RAI14: variants seen among roughly 807,000 people sequenced by gnomAD.
The protein encoded by RAI14 is retinoic acid induced 14.
A neutral mutation model predicts 115.4 loss-of-function variants in RAI14; 45 were observed. The ratio of observed to expected loss-of-function variants is 0.39; its 90% CI spans 0.31 to 0.50. The LOEUF is 0.50. RAI14 is among the 20% of genes least tolerant of loss of function. The probability of loss-of-function intolerance (pLI) is 0.85; values close to 1 mark genes in which losing one functional copy is unlikely to be tolerated. For synonymous variants in RAI14, 371 were observed against 415.4 expected, an observed-to-expected ratio of 0.89 and a Z score of 1.30; for missense variants, 939 against 1,131.2, an observed-to-expected ratio of 0.83 and a Z score of 2.44.
At chr5:34,829,178 T>TAC (rs144038064) in intron 16 of RAI14, among the ~76,000 whole-genome samples, 90,803 of 150,342 alleles carry the variant, frequency 0.6, 27,633 homozygotes, top group Admixed American at 0.66. Flanking sequence ...CACACACACA[T>TAC]ACACACACAC....
At chr5:34,720,689 C>T (rs966604465) in intron 2 of RAI14, among the ~76,000 whole-genome samples, 4 of 151,912 alleles carry the variant, frequency 2.6e-5, no homozygotes, top group African/African-American at 9.7e-5. Flanking sequence ...GGATTACAGG[C>T]GTGAGCCACC....
intron 3 of RAI14, among the ~76,000 whole-genome samples, chr5:34,787,926 TTTTTTTTG>T: frequency 9.0e-6 from 1 of 111,706 alleles, no homozygotes; most frequent in African/African-American, 3.8e-5. Flanking sequence ...TTTTTTTTTT[TTTTTTTTG>T]AGACAGGGTC....
At chr5:34,819,168 T>C (rs1756577973) in intron 13 of RAI14, among the ~76,000 whole-genome samples, 1 of 152,238 alleles carries the variant, frequency 6.6e-6, no homozygotes, top group African/African-American at 2.4e-5. Context: ...ACCAGTGATT[T>C]TGTCACCAAG....
chr5:34,790,144 A>G (rs1481731795), intron 3 of RAI14, among the ~76,000 whole-genome samples: 2 of 152,202 alleles, frequency 1.3e-5, no homozygotes, highest in African/African-American at 2.4e-5. Flanking sequence ...TCTTCTGTAC[A>G]TTGGTGATTA....
At chr5:34,667,634 C>G (rs1028086455) in intron 1 of RAI14, among the ~76,000 whole-genome samples, 6 of 152,078 alleles carry the variant, frequency 3.9e-5, no homozygotes, top group Non-Finnish European at 5.9e-5. Flanking sequence ...ATTTACCATC[C>G]AGAATTTCCT....
At chr5:34,688,880 A>T (rs936694814) in intron 2 of RAI14, among the ~76,000 whole-genome samples, 1 of 151,852 alleles carries the variant, frequency 6.6e-6, no homozygotes, top group Non-Finnish European at 1.5e-5. Context: ...CCAGAGGTAT[A>T]CTAAGCTTTT....
chr5:34,730,319 CAAAT>C (rs1744015586), intron 2 of RAI14, among the ~76,000 whole-genome samples: 1 of 152,092 alleles, frequency 6.6e-6, no homozygotes, highest in South Asian at 2.1e-4. Context: ...TACATGTTAA[CAAAT>C]GAATGTTGAG....
intron 2 of RAI14, among the ~76,000 whole-genome samples, chr5:34,731,828 A>G (rs1744222614): frequency 6.6e-6 from 1 of 152,242 alleles, no homozygotes; most frequent in Non-Finnish European, 1.5e-5. Flanking sequence ...TGAAGTTTAC[A>G]CTTATTCAAA....
At chr5:34,767,281 G>C (rs747987098) in intron 3 of RAI14, among the ~76,000 whole-genome samples, 4 of 152,144 alleles carry the variant, frequency 2.6e-5, no homozygotes, top group Non-Finnish European at 4.4e-5. Context: ...TCCTCTCTCT[G>C]TTCCCTCCAC....
At chr5:34,722,381 G>T (rs924872553) in intron 2 of RAI14, among the ~76,000 whole-genome samples, 1 of 151,658 alleles carries the variant, frequency 6.6e-6, no homozygotes, top group Non-Finnish European at 1.5e-5. Flanking sequence ...GCAAGCCAAG[G>T]CAAGAGGTCC....
intron 2 of RAI14, among the ~76,000 whole-genome samples, chr5:34,752,755 A>ATG (rs1747274667): frequency 2.3e-5 from 3 of 131,044 alleles, no homozygotes; most frequent in African/African-American, 8.6e-5. Flanking sequence ...GTGTGTATAT[A>ATG]TATATATATA....
chr5:34,831,344 C>T lies in RAI14; in HGVS notation c.*579C>T, dbSNP rs536216678. Reference sequence around the variant, plus strand: ...CTGCCTTATATATCTCATCACCCTGCTTATCAATATTCAGTTTGATGAGCA... The same window carrying T: ...CTGCCTTATATATCTCATCACCCTGTTTATCAATATTCAGTTTGATGAGCA... On this transcript the variant is annotated 3_prime_UTR_variant, in exon 18 of 18. Transcript: ENST00000265109. The T allele has an allele frequency of 6.5e-6, 1 of 152,826 alleles. No individual in the cohort carries two copies. The highest frequency in any genetic ancestry group is 2.1e-4 in the South Asian group (1 of 4,828). 9.5% of individuals were successfully genotyped at this position (152,826 alleles called of 1,614,324 possible). A position where few individuals can be genotyped will look rare whatever the true frequency, so the allele number is the denominator to read the frequency against.
At chr5:34,828,533 C>T (rs199961073) in intron 16 of RAI14, among the ~76,000 whole-genome samples, 98 of 152,250 alleles carry the variant, frequency 6.4e-4, no homozygotes, top group African/African-American at 2.1e-3. Context: ...ACTTAAAGGA[C>T]GGGTTTTAAA....
At position 34,706,945 on chromosome 5, in the gene RAI14, C is replaced by T. The variant is rs572574647; in HGVS notation, c.36+19990C>T. ...AAAACTTGCAGCTCTTGCCCTACCC[C>T]GCATCAAATTGCAGCATATTGAGAG... is the stretch of plus-strand genomic sequence containing the variant. On this transcript the variant is annotated intron_variant, in intron 2 of 17. Transcript: ENST00000265109. Among the ~76,000 whole-genome samples the T allele has an allele frequency of 2.9e-4, 44 of 152,228 alleles. No individual in the cohort carries two copies. In the South Asian group the frequency reaches 5.2e-3, roughly 18 times the overall value.
chr5:34,708,391 A>G (rs1334015009), intron 2 of RAI14, among the ~76,000 whole-genome samples: 2 of 151,998 alleles, frequency 1.3e-5, no homozygotes, highest in African/African-American at 2.4e-5. Flanking sequence ...TAGTAGAGAC[A>G]GGGTTTCTCC....
rs1413687604 is a variant in RAI14 at position 34,824,585 on chromosome 5, C to T, written c.2649+94C>T. 8 of 1,013,794 alleles carry T rather than the reference C, an allele frequency of 7.9e-6. No individual in the cohort carries two copies. The East Asian group carries it at 2.1e-4, about 27-fold the overall frequency. 62.8% of individuals were successfully genotyped at this position (1,013,794 alleles called of 1,614,324 possible). Reference sequence around the variant, plus strand: ...AAATATTTCTAGTGTTGGCACTAAACTGGAGTGAATGCTCAGAGGCTCTGC... The same window carrying T: ...AAATATTTCTAGTGTTGGCACTAAATTGGAGTGAATGCTCAGAGGCTCTGC... On this transcript the variant is annotated intron_variant, in intron 15 of 17. Transcript: ENST00000265109.
chr5:34,666,967 C>T (rs1186860929), intron 1 of RAI14, among the ~76,000 whole-genome samples: 2 of 152,092 alleles, frequency 1.3e-5, no homozygotes, highest in Non-Finnish European at 2.9e-5. Context: ...TACAAGGCGA[C>T]TGTTAGTGGT....
At chr5:34,799,718 C>G (rs1325490598) in intron 4 of RAI14, among the ~76,000 whole-genome samples, 1 of 120,508 alleles carries the variant, frequency 8.3e-6, no homozygotes, top group Admixed American at 9.3e-5. Flanking sequence ...GACACGGAGT[C>G]TCACTGTCTC....
intron 3 of RAI14, among the ~76,000 whole-genome samples, chr5:34,764,537 T>TTCTCTCTCTC (rs146616019): frequency 4.2e-5 from 3 of 71,752 alleles, no homozygotes; most frequent in East Asian, 7.8e-4. Flanking sequence ...CAGGTGAATT[T>TTCTCTCTCTC]TCTCTCTCTC....
Sources: allele counts gnomAD v4.1 joint callset (sites outside exome capture counted in the v4.1 genomes callset), GRCh38; gene constraint gnomAD v4.1.1; transcripts MANE v1.5; gene names NCBI Gene and HGNC (gene_info 2026-07-23, HGNC 2026-07-21).